ZNF280D: variants seen among roughly 807,000 people sequenced by gnomAD.
ZNF280D encodes the protein suppressor of hairy wing homolog 4.
Under a neutral mutation model 94.7 loss-of-function variants are expected in ZNF280D, and 39 were observed. That is an observed-to-expected ratio of 0.41 (90% CI 0.32 to 0.54). The LOEUF (loss-of-function observed/expected upper bound fraction) is 0.54. ZNF280D is among the 20% of genes least tolerant of loss of function. The pLI is 0.22. For missense variants in ZNF280D, 1,090 were observed against 1,149.3 expected (o/e 0.95, Z 0.75); for synonymous variants, 398 against 377.6 (o/e 1.05, Z -0.63).
chr15:56,646,664 T>C (rs1299568381), intron 19 of ZNF280D, among the ~76,000 whole-genome samples: 13 of 152,186 alleles, frequency 8.5e-5, no homozygotes, highest in African/African-American at 2.4e-4. Flanking sequence ...TACTAAGTGT[T>C]CCAGTCCAAA....
At chr15:56,644,329 T>C (rs2052775108) in intron 19 of ZNF280D, among the ~76,000 whole-genome samples, 1 of 152,094 alleles carries the variant, frequency 6.6e-6, no homozygotes, top group African/African-American at 2.4e-5. Context: ...ACATCAAGTA[T>C]ACAGTATAAC....
chr15:56,660,587 A>G (rs1342864008), intron 16 of ZNF280D, among the ~76,000 whole-genome samples: 2 of 152,146 alleles, frequency 1.3e-5, no homozygotes, highest in African/African-American at 4.8e-5. Context: ...TCTTCCTATT[A>G]GCTCTCCATA....
chr15:56,691,024 G>A (rs1199353700), intron 7 of ZNF280D, among the ~76,000 whole-genome samples: 1 of 152,092 alleles, frequency 6.6e-6, no homozygotes, highest in Non-Finnish European at 1.5e-5. Context: ...TAAGTTACAA[G>A]TTTACAGAGC....
intron 19 of ZNF280D, among the ~76,000 whole-genome samples, chr15:56,650,817 T>C (rs572406419): frequency 7.9e-5 from 12 of 152,206 alleles, no homozygotes; most frequent in Admixed American, 2.0e-4. Flanking sequence ...AGGGGAGAAA[T>C]GGAGGTAAGG....
chr15:56,731,506 C>A (rs1392433669), intron 1 of ZNF280D, among the ~76,000 whole-genome samples: 196 of 80,724 alleles, frequency 2.4e-3, no homozygotes, highest in East Asian at 5.1e-3. Flanking sequence ...GTACCTATCT[C>A]AAAAAAAAAA....
intron 1 of ZNF280D, chr15:56,729,981 T>C (rs1321085034): frequency 1.3e-5 from 2 of 152,240 alleles, no homozygotes; most frequent in Non-Finnish European, 2.9e-5. Flanking sequence ...ATATCTGCTG[T>C]ATTGAAATTC....
intron 13 of ZNF280D, among the ~76,000 whole-genome samples, chr15:56,669,892 A>ATATATATTT (rs2054603827): frequency 3.1e-4 from 3 of 9,686 alleles, no homozygotes; most frequent in African/African-American, 1.1e-3. Flanking sequence ...TATATATTAT[A>ATATATATTT]TATATATATA....
chr15:56,693,406 C>T (rs889964939), intron 6 of ZNF280D, among the ~76,000 whole-genome samples, 191 bp from the exon 7 acceptor site: 10 of 151,730 alleles, frequency 6.6e-5, no homozygotes, highest in African/African-American at 2.4e-4. Flanking sequence ...GTTAAAAACA[C>T]AAAGATAATT....
chr15:56,634,905 AG>A (rs1215955996), intron 21 of ZNF280D, among the ~76,000 whole-genome samples: 2 of 152,132 alleles, frequency 1.3e-5, no homozygotes, highest in Non-Finnish European at 2.9e-5. Context: ...TTCATTTAAT[AG>A]GGGCAAAGAA....
chr15:56,718,787 G>A (rs1485235205), intron 1 of ZNF280D, among the ~76,000 whole-genome samples: 1 of 152,128 alleles, frequency 6.6e-6, no homozygotes, highest in Admixed American at 6.5e-5. Context: ...CTACTCCACA[G>A]TGCTTTGCTA....
chr15:56,693,374 T>C (rs1050329059), intron 6 of ZNF280D, among the ~76,000 whole-genome samples, 159 bp from the exon 7 acceptor site: 12 of 151,804 alleles, frequency 7.9e-5, no homozygotes, highest in South Asian at 4.2e-4. Flanking sequence ...AGGAAACCCT[T>C]TGATAACTCA....
At chr15:56,731,509 A>G (rs1436228075) in intron 1 of ZNF280D, among the ~76,000 whole-genome samples, 3 of 146,344 alleles carry the variant, frequency 2.0e-5, no homozygotes, top group African/African-American at 5.4e-5. Flanking sequence ...CCTATCTCAA[A>G]AAAAAAAAAA....
chr15:56,707,340 C>A, intron 1 of ZNF280D, 34 bp from the exon 2 acceptor site: 1 of 1,502,874 alleles, frequency 6.7e-7, no homozygotes, highest in South Asian at 1.2e-5. Context: ...TTAGGGTGGA[C>A]TTCATTAAAT....
intron 13 of ZNF280D, among the ~76,000 whole-genome samples, chr15:56,673,701 C>T (rs956038749): frequency 3.9e-5 from 6 of 151,948 alleles, no homozygotes; most frequent in African/African-American, 1.4e-4. Flanking sequence ...ACCTCATCTC[C>T]TATTATTCTT....
rs56365440 is a variant in ZNF280D, at chr15:56,670,009, A to ATATT, written c.1411-1053_1411-1052insAATA. ...TTATATATATATATTATATATATAT[A>ATATT]ATATATATATATAGTGGTTTTAGAG... On this transcript the variant is annotated intron_variant, in intron 13 of 21. Coordinates refer to ENST00000267807, the MANE Select transcript of ZNF280D (RefSeq NM_017661.4). Among the ~76,000 whole-genome samples the ATATT allele has an allele frequency of 7.7e-3, 23 of 2,978 alleles. 7 individuals carry two copies. Among genetic ancestry groups the ATATT allele is most frequent in the South Asian group, 0.037 (2 of 54 alleles). 2.0% of individuals were successfully genotyped at this position (2,978 alleles called of 152,430 possible). A position where few individuals can be genotyped will look rare whatever the true frequency, so the allele number is the denominator to read the frequency against.
In ZNF280D at chr15:56,631,229, C is replaced by T. The variant is rs1283820162; in HGVS notation, c.*269G>A. ...CAACCAAATCCCATTTCCTTGAAAA[C>T]CATTAAATGAGACCTTTCCACTGCA... On this transcript the variant is annotated 3_prime_UTR_variant, in exon 22 of 22. Coordinates refer to ENST00000267807, the MANE Select transcript of ZNF280D (RefSeq NM_017661.4). 1 of 338,838 alleles carries T rather than the reference C, an allele frequency of 3.0e-6. No homozygotes were observed. The highest frequency in any genetic ancestry group is 2.1e-5 in the African/African-American group (1 of 48,590). 21.0% of individuals were successfully genotyped at this position (338,838 alleles called of 1,614,324 possible).
At chr15:56,669,947 TATTATA>T (rs1477618616) in intron 13 of ZNF280D, among the ~76,000 whole-genome samples, 1 of 4,522 alleles carries the variant, frequency 2.2e-4, no homozygotes, top group African/African-American at 7.9e-4. Flanking sequence ...TATATATATA[TATTATA>T]TATATATATT....
chr15:56,680,717 T>A (rs1172630201), intron 10 of ZNF280D, among the ~76,000 whole-genome samples: 4 of 150,776 alleles, frequency 2.7e-5, no homozygotes, highest in African/African-American at 7.5e-5. Flanking sequence ...GCTAAAGCGA[T>A]CATCCTGCCT....
In ZNF280D at chr15:56,701,253, A is replaced by G. The variant is rs1301876585; in HGVS notation, c.176-15T>C. 2.8e-6 allele frequency: 4 copies of G among 1,439,288 alleles called. No homozygotes were observed. The highest frequency in any genetic ancestry group is 2.1e-5 in the Admixed American group (1 of 47,890). The allele number at this position is 1,439,288 out of a possible 1,614,324, so 89.2% of individuals were successfully genotyped here. ...GTTCAAAATATCTATAAAAGATTAT[A>G]TTTATTTTAAAATACATTGTTTGAA... On this transcript the variant is annotated splice_polypyrimidine_tract_variant and intron_variant, in intron 4 of 21. Coordinates refer to ENST00000267807, the MANE Select transcript of ZNF280D (RefSeq NM_017661.4).
Sources: allele counts gnomAD v4.1 joint callset (sites outside exome capture counted in the v4.1 genomes callset), GRCh38; gene constraint gnomAD v4.1.1; transcripts MANE v1.5; gene names NCBI Gene and HGNC (gene_info 2026-07-23, HGNC 2026-07-21).